GCA: variants seen among roughly 807,000 people sequenced by gnomAD.
GCA encodes the protein grancalcin, also known as grancalcin, EF-hand calcium-binding protein.
In GCA, 30 loss-of-function variants were observed where a neutral mutation model predicts 32.6. That is an observed-to-expected ratio of 0.92 (90% CI 0.69 to 1.25). GCA has a LOEUF of 1.25. Ranked by LOEUF, GCA falls within the 50% of genes most tolerant of loss-of-function variation. The pLI is 0.00. For synonymous variants in GCA, 102 were observed against 84.6 expected (o/e 1.21, Z -1.13); for missense variants, 291 against 266.8 (o/e 1.09, Z -0.63).
intron 1 of GCA, among the ~76,000 whole-genome samples, chr2:162,325,755 C>T (rs1683854360): frequency 6.6e-6 from 1 of 152,168 alleles, no homozygotes; most frequent in Non-Finnish European, 1.5e-5. Flanking sequence ...CAGTGTCTGT[C>T]AGGGTCTGAT....
downstream of GCA, among the ~76,000 whole-genome samples, chr2:162,363,992 C>T (rs1181130420): frequency 6.6e-6 from 1 of 151,284 alleles, no homozygotes. Context: ...CAGATGTGCC[C>T]CTTCTGTAAC....
chr2:162,344,146 C>G lies in GCA; in HGVS notation c.-103C>G. 3.2e-6 allele frequency: 4 copies of G among 1,260,986 alleles called. No individual in the cohort carries two copies. Among genetic ancestry groups the G allele is most frequent in the Non-Finnish European group, 4.6e-6 (4 of 867,936 alleles). The allele number at this position is 1,260,986 out of a possible 1,614,324, so 78.1% of individuals were successfully genotyped here. On this transcript the variant is annotated 5_prime_UTR_variant, in exon 1 of 8. Transcript: ENST00000437150. ...ACTGTGCGGTTAGTGCGCCTTTCAG[C>G]CTCACCTGCAGCTGCGCCTCCTTGC...
chr2:162,352,444 A>G (rs764653661), intron 3 of GCA, 37 bp downstream of exon 3: 3 of 1,213,884 alleles, frequency 2.5e-6, no homozygotes, highest in South Asian at 2.5e-5. Context: ...AAATTATAAT[A>G]GGAAGTTTAT....
At chr2:162,339,856 GC>G (rs752585864), upstream of GCA, among the ~76,000 whole-genome samples, 17 of 152,180 alleles carry the variant, frequency 1.1e-4, no homozygotes, top group Non-Finnish European at 1.9e-4. Context: ...AAGCCACACA[GC>G]CTATGGTATT....
downstream of GCA, among the ~76,000 whole-genome samples, chr2:162,363,953 G>A (rs1335192386): frequency 6.6e-6 from 1 of 151,432 alleles, no homozygotes; most frequent in Non-Finnish European, 1.5e-5. Flanking sequence ...AAATGAGGAA[G>A]CTGTTTCCCT....
chr2:162,340,177 G>A (rs1241536340), upstream of GCA, among the ~76,000 whole-genome samples: 2 of 152,140 alleles, frequency 1.3e-5, no homozygotes, highest in South Asian at 2.1e-4. Context: ...AGAAAGGTCT[G>A]TTAAGATGCA....
downstream of GCA, among the ~76,000 whole-genome samples, chr2:162,365,272 A>G (rs1685716031): frequency 6.6e-6 from 1 of 151,534 alleles, no homozygotes. Context: ...TTTTCAATAC[A>G]ACTTGTACAT....
At chr2:162,354,301 C>CACCCAAAAGGG (rs1162585440) in intron 3 of GCA, among the ~76,000 whole-genome samples, 1 of 152,128 alleles carries the variant, frequency 6.6e-6, no homozygotes, top group Non-Finnish European at 1.5e-5. Context: ...GTGTCAGTAT[C>CACCCAAAAGGG]TTTAGGGATT....
intron 1 of GCA, among the ~76,000 whole-genome samples, chr2:162,324,718 A>G: frequency 6.6e-6 from 1 of 151,966 alleles, no homozygotes; most frequent in South Asian, 2.1e-4. Context: ...TCTACCCAGC[A>G]CTTCCCTTTC....
chr2:162,319,638 T>C (rs967709337), intron 1 of GCA, among the ~76,000 whole-genome samples: 3 of 152,356 alleles, frequency 2.0e-5, no homozygotes, highest in Non-Finnish European at 4.4e-5. Flanking sequence ...AGCTTCATTT[T>C]GGTACAGAAG....
At chr2:162,374,122 C>T (rs932810342), downstream of GCA, among the ~76,000 whole-genome samples, 10 of 152,192 alleles carry the variant, frequency 6.6e-5, no homozygotes, top group Admixed American at 3.3e-4. Context: ...TTTATATTAA[C>T]ACTTTTTAAC....
chr2:162,371,624 A>G, downstream of GCA: 1 of 795,686 alleles, frequency 1.3e-6, no homozygotes, highest in East Asian at 2.8e-5. Context: ...CAGTTTTAAC[A>G]TTTGGAACCA....
intron 1 of GCA, among the ~76,000 whole-genome samples, chr2:162,319,730 T>A (rs917330762): frequency 3.9e-5 from 6 of 152,218 alleles, no homozygotes; most frequent in Admixed American, 2.0e-4. Flanking sequence ...GGTAGGCACA[T>A]ACGCACCATA....
chr2:162,338,681 C>G (rs1435753156), intron 1 of GCA, among the ~76,000 whole-genome samples: 1 of 152,188 alleles, frequency 6.6e-6, no homozygotes, highest in African/African-American at 2.4e-5. Flanking sequence ...AAGCACGCAA[C>G]TTGGATTTAA....
At position 162,360,834 on chromosome 2, in the gene GCA, G is replaced by T. The variant is rs1214641181; in HGVS notation, c.*591G>T. The T allele has an allele frequency of 2.5e-6, 3 of 1,201,518 alleles. No individual in the cohort carries two copies. The highest frequency in any genetic ancestry group is 1.6e-5 in the African/African-American group (1 of 63,272). The allele number at this position is 1,201,518 out of a possible 1,614,324, so 74.4% of individuals were successfully genotyped here. A position where few individuals can be genotyped will look rare whatever the true frequency, so the allele number is the denominator to read the frequency against. On this transcript the variant is annotated 3_prime_UTR_variant, in exon 8 of 8. Coordinates refer to ENST00000437150, the MANE Select transcript of GCA (RefSeq NM_012198.5). ...GTGAAATAAGACTACAGAAGGCATT[G>T]TTTTTTCCTTTTTTATTTTTTGTAT...
chr2:162,363,308 T>C (rs1236629326), downstream of GCA, among the ~76,000 whole-genome samples: 18 of 151,546 alleles, frequency 1.2e-4, no homozygotes, highest in East Asian at 3.5e-3. Flanking sequence ...AATGCAACCA[T>C]GGGTGTTTTA....
upstream of GCA, among the ~76,000 whole-genome samples, chr2:162,341,509 C>A (rs1576274063): frequency 6.6e-6 from 1 of 151,760 alleles, no homozygotes; most frequent in Non-Finnish European, 1.5e-5. Context: ...ACCAATGCCA[C>A]CAAGATTCAG....
At chr2:162,322,686 C>T (rs1683723197) in intron 1 of GCA, among the ~76,000 whole-genome samples, 1 of 150,286 alleles carries the variant, frequency 6.7e-6, no homozygotes, top group Non-Finnish European at 1.5e-5. Flanking sequence ...CGATAGTTTA[C>T]TGAGAATGAT....
intron 1 of GCA, among the ~76,000 whole-genome samples, chr2:162,322,719 C>T (rs1383249459): frequency 2.6e-5 from 4 of 151,102 alleles, no homozygotes; most frequent in Admixed American, 6.6e-5. Flanking sequence ...CATCCATGTC[C>T]CTACAAAGGA....
Sources: gnomAD v4.1 joint callset for allele counts (sites outside exome capture counted in the v4.1 genomes callset) on GRCh38, gnomAD v4.1.1 for gene constraint, MANE v1.5 for transcripts, NCBI Gene and HGNC (gene_info 2026-07-23, HGNC 2026-07-21) for gene names.